Variants in ECM2 observed in about 807,000 individuals in gnomAD.
ECM2 encodes extracellular matrix protein 2, female organ and adipocyte specific.
A neutral mutation model predicts 67.5 loss-of-function variants in ECM2; 57 were observed. That is an observed-to-expected ratio of 0.84 (90% CI 0.68 to 1.05). The LOEUF is 1.05. ECM2 is among the 50% of genes least tolerant of loss of function. ECM2 has a pLI of 0.00. For missense variants in ECM2, 741 were observed against 822.8 expected, an observed-to-expected ratio of 0.90 and a Z score of 1.22; for synonymous variants, 258 against 294.5, an observed-to-expected ratio of 0.88 and a Z score of 1.27.
the ECM2 span, among the ~76,000 whole-genome samples, chr9:92,554,042 G>T: frequency 6.6e-6 from 1 of 152,168 alleles, no homozygotes; most frequent in Non-Finnish European, 1.5e-5. Flanking sequence ...TTGGCTGTGG[G>T]TTTGTCGTAG....
At chr9:92,533,374 C>T (rs1371622830) in intron 1 of ECM2, among the ~76,000 whole-genome samples, 3 of 126,602 alleles carry the variant, frequency 2.4e-5, no homozygotes, top group African/African-American at 9.1e-5. Context: ...GGGTCCACTT[C>T]ACTTTTCCTA....
chr9:92,499,528 AG>A (rs1846548122), intron 9 of ECM2, among the ~76,000 whole-genome samples: 1 of 152,236 alleles, frequency 6.6e-6, no homozygotes, highest in African/African-American at 2.4e-5. Flanking sequence ...AGGAGATACC[AG>A]GCTGTGACCA....
intron 2 of ECM2, among the ~76,000 whole-genome samples, chr9:92,520,385 T>C (rs1306386773): frequency 1.3e-5 from 2 of 152,108 alleles, no homozygotes; most frequent in East Asian, 3.8e-4. Flanking sequence ...ACATCATTAG[T>C]TGTTAGGGAA....
intron 2 of ECM2, among the ~76,000 whole-genome samples, chr9:92,522,169 C>T (rs1370147540): frequency 6.6e-6 from 1 of 152,088 alleles, no homozygotes; most frequent in Non-Finnish European, 1.5e-5. Context: ...TCACTGCAAC[C>T]TCCACCTCCC....
chr9:92,558,125 G>C, the ECM2 span, among the ~76,000 whole-genome samples: 2 of 152,050 alleles, frequency 1.3e-5, no homozygotes, highest in Non-Finnish European at 2.9e-5. Context: ...CTAAGCTCCT[G>C]AATTCTTTTT....
chr9:92,513,350 A>G (rs539323570), intron 4 of ECM2, among the ~76,000 whole-genome samples: 17 of 152,338 alleles, frequency 1.1e-4, no homozygotes, highest in African/African-American at 3.6e-4. Flanking sequence ...GCTCCCCAGC[A>G]TGCAGGTGGG....
intron 9 of ECM2, among the ~76,000 whole-genome samples, chr9:92,499,139 TTGAA>T (rs1308007656): frequency 2.0e-5 from 3 of 152,216 alleles, no homozygotes; most frequent in African/African-American, 7.2e-5. Context: ...AAGAGCCAGT[TTGAA>T]TGGCGACCAT....
At chr9:92,496,601 AC>A in intron 9 of ECM2, 118 bp from the exon 10 acceptor site, 1 of 1,276,288 alleles carries the variant, frequency 7.8e-7, no homozygotes, top group South Asian at 1.6e-5. Flanking sequence ...ATCCTTATAG[AC>A]CAGAATAAAT....
chr9:92,540,642 G>A (rs1483377644), upstream of ECM2, among the ~76,000 whole-genome samples: 5 of 151,448 alleles, frequency 3.3e-5, no homozygotes, highest in African/African-American at 1.2e-4. Context: ...ATGGTGGCAC[G>A]CGCCTGTAGT....
At chr9:92,502,413 C>T in intron 8 of ECM2, 100 bp downstream of exon 8, 1 of 1,424,840 alleles carries the variant, frequency 7.0e-7, no homozygotes, top group Non-Finnish European at 9.7e-7. Flanking sequence ...TCAGTATCGT[C>T]ACCTCCCTCA....
chr9:92,494,411 C>T (rs766458278), downstream of ECM2, among the ~76,000 whole-genome samples: 1 of 152,126 alleles, frequency 6.6e-6, no homozygotes, highest in East Asian at 1.9e-4. Context: ...TCAACCTGGC[C>T]ACTTTAAAAT....
intron 1 of ECM2, among the ~76,000 whole-genome samples, chr9:92,527,466 C>T (rs1185549905): frequency 6.6e-6 from 1 of 152,202 alleles, no homozygotes; most frequent in Non-Finnish European, 1.5e-5. Flanking sequence ...CGTGTAAGTA[C>T]ACTTTATGAT....
intron 4 of ECM2, among the ~76,000 whole-genome samples, chr9:92,514,273 AC>A (rs1204514533): frequency 1.4e-5 from 2 of 139,490 alleles, no homozygotes; most frequent in Admixed American, 7.1e-5. Context: ...AGAGTCATTT[AC>A]TTTTTTTTTT....
At chr9:92,510,274 C>T (rs1847255634) in intron 5 of ECM2, among the ~76,000 whole-genome samples, 1 of 152,178 alleles carries the variant, frequency 6.6e-6, no homozygotes. Context: ...GCTTACTCAC[C>T]ACGTTTATAT....
At chr9:92,504,209 T>C (rs1846855045) in intron 7 of ECM2, among the ~76,000 whole-genome samples, 1 of 152,232 alleles carries the variant, frequency 6.6e-6, no homozygotes, top group Non-Finnish European at 1.5e-5. Flanking sequence ...CTGGGGTAGG[T>C]CCAAGAGTCT....
chr9:92,524,482 C>T (rs1848269304), intron 1 of ECM2, among the ~76,000 whole-genome samples: 2 of 152,220 alleles, frequency 1.3e-5, no homozygotes, highest in Admixed American at 1.3e-4. Context: ...AGGATTCACT[C>T]AGCCAATCTC....
chr9:92,505,587 A>G lies in ECM2; in HGVS notation c.1410T>C (p.Arg470=). 1 of 1,608,904 alleles carries G rather than the reference A, an allele frequency of 6.2e-7. No individual in the cohort carries two copies. The highest frequency in any genetic ancestry group is 8.5e-7 in the Non-Finnish European group (1 of 1,178,732). ...TAATTCTAAATTTATTTTTTCCCAG[A>G]CGCAAGTAGGCTAGGCTCTTCAAAG... The part of the protein sequence containing the change: ...FKPLKSLAYL[R]LGKNKFRIIP... The change falls in exon 7 of 10, where the codon CGT becomes CGC. Residue 470 remains arginine (R), a synonymous_variant. Coordinates refer to ENST00000344604, the MANE Select transcript of ECM2 (RefSeq NM_001393.4).
At chr9:92,537,998 G>T (rs1563994337), upstream of ECM2, among the ~76,000 whole-genome samples, 1 of 152,144 alleles carries the variant, frequency 6.6e-6, no homozygotes, top group East Asian at 1.9e-4. Flanking sequence ...TGCTGTGTTG[G>T]CCAGTGTGTA....
chr9:92,556,732 G>A, the ECM2 span, among the ~76,000 whole-genome samples: 2 of 152,162 alleles, frequency 1.3e-5, no homozygotes, highest in Non-Finnish European at 2.9e-5. Context: ...GTCCTTATGT[G>A]TTAAGTGAGT....
Sources: gnomAD v4.1 joint callset for allele counts (sites outside exome capture counted in the v4.1 genomes callset) on GRCh38, gnomAD v4.1.1 for gene constraint, MANE v1.5 for transcripts, NCBI Gene and HGNC (gene_info 2026-07-23, HGNC 2026-07-21) for gene names.